BMP7: variants seen among roughly 807,000 people sequenced by gnomAD.
The protein encoded by BMP7 is bone morphogenetic protein 7.
A neutral mutation model predicts 41.2 loss-of-function variants in BMP7; 12 were observed. The ratio of observed to expected loss-of-function variants is 0.29; its 90% CI spans 0.19 to 0.47. The LOEUF is 0.47. Ranked by LOEUF, BMP7 falls within the 20% of genes least tolerant of loss-of-function variation. The pLI is 0.99. For missense variants in BMP7, 467 were observed against 606.0 expected (o/e 0.77, Z 2.41); for synonymous variants, 248 against 250.0 (o/e 0.99, Z 0.07).
rs996939412 is a variant in BMP7, at chr20:57,259,162, A to G, written c.418+6543T>C. ...GTTCCAATCTCCCTTGCCAAGTCAC[A>G]CCCACTGCTGTCACCGAGAACTTCC... is the stretch of plus-strand genomic sequence containing the variant. On this transcript the variant is annotated intron_variant, in intron 1 of 6. Transcript: ENST00000395863. This position sits in a 1 kb window ranked among gnomAD's most constrained non-coding sequence, Gnocchi z 4.7. Among the ~76,000 whole-genome samples, 3 of 152,040 alleles carry G rather than the reference A, an allele frequency of 2.0e-5. No homozygotes were observed. Among genetic ancestry groups the G allele is most frequent in the Non-Finnish European group, 4.4e-5 (3 of 67,998 alleles).
At chr20:57,204,326 T>G (rs1250365068) in intron 2 of BMP7, among the ~76,000 whole-genome samples, 1 of 152,228 alleles carries the variant, frequency 6.6e-6, no homozygotes, top group Non-Finnish European at 1.5e-5. Context: ...CTGTCTGACC[T>G]GGACAACTCT....
At chr20:57,239,312 G>A (rs910325269) in intron 1 of BMP7, among the ~76,000 whole-genome samples, 35 of 152,284 alleles carry the variant, frequency 2.3e-4, no homozygotes, top group African/African-American at 8.4e-4. Flanking sequence ...AAACTTTAAA[G>A]CTCCAAAATG....
At chr20:57,265,453 A>C (rs1028436299) in intron 1 of BMP7, among the ~76,000 whole-genome samples, 9 of 152,234 alleles carry the variant, frequency 5.9e-5, no homozygotes, top group Non-Finnish European at 1.3e-4. Flanking sequence ...CCGGCGGCGT[A>C]ACATGGAGGG....
At chr20:57,199,365 GTCT>G (rs1309813606) in intron 3 of BMP7, among the ~76,000 whole-genome samples, 1 of 152,224 alleles carries the variant, frequency 6.6e-6, no homozygotes, top group Non-Finnish European at 1.5e-5. Context: ...AGTTACCCAA[GTCT>G]TCTTTTAGAA....
intron 3 of BMP7, 77 bp downstream of exon 3, chr20:57,202,398 G>A: frequency 6.4e-7 from 1 of 1,553,612 alleles, no homozygotes; most frequent in East Asian, 2.3e-5. Flanking sequence ...AGTGAAGCAA[G>A]CATGAGCACT....
At chr20:57,236,591 C>T (rs949556282) in intron 1 of BMP7, among the ~76,000 whole-genome samples, 2 of 152,098 alleles carry the variant, frequency 1.3e-5, no homozygotes, top group African/African-American at 4.8e-5. Context: ...ACCAGAAGGA[C>T]TTGGTCCAAA....
chr20:57,237,743 T>A (rs2066053236), intron 1 of BMP7, among the ~76,000 whole-genome samples: 1 of 152,178 alleles, frequency 6.6e-6, no homozygotes, highest in Non-Finnish European at 1.5e-5. Context: ...CGCCTAGAAG[T>A]TGACAATGAT....
chr20:57,226,205 G>T (rs2066005517), intron 2 of BMP7, among the ~76,000 whole-genome samples: 1 of 152,218 alleles, frequency 6.6e-6, no homozygotes, highest in Non-Finnish European at 1.5e-5. Flanking sequence ...ATGGGACCAG[G>T]TGCCCACAAA....
intron 2 of BMP7, among the ~76,000 whole-genome samples, chr20:57,222,692 A>G (rs566865687): frequency 6.6e-6 from 1 of 152,162 alleles, no homozygotes; most frequent in African/African-American, 2.4e-5. Context: ...TGAAAAGGCT[A>G]CTCAGGAAGC....
intron 4 of BMP7, among the ~76,000 whole-genome samples, chr20:57,179,079 G>A (rs1356828672): frequency 6.6e-6 from 1 of 152,228 alleles, no homozygotes; most frequent in Non-Finnish European, 1.5e-5. Context: ...TGGTGTACGA[G>A]TGAGGCGTGG....
chr20:57,240,274 G>A (rs2066063726), intron 1 of BMP7, among the ~76,000 whole-genome samples: 2 of 152,182 alleles, frequency 1.3e-5, no homozygotes, highest in South Asian at 4.1e-4. Flanking sequence ...CTCTAGGGTG[G>A]GGAAAAAATG....
chr20:57,182,554 T>C (rs893318312), intron 4 of BMP7, among the ~76,000 whole-genome samples: 1 of 152,228 alleles, frequency 6.6e-6, no homozygotes, highest in Non-Finnish European at 1.5e-5. Context: ...GCCCCGGCAA[T>C]GCCCAACAGG....
At chr20:57,195,954 C>T (rs903737396) in intron 3 of BMP7, among the ~76,000 whole-genome samples, 3 of 152,142 alleles carry the variant, frequency 2.0e-5, no homozygotes, top group Non-Finnish European at 4.4e-5. Flanking sequence ...GTATGGACAG[C>T]CAGCGCTTAC....
At chr20:57,203,884 C>T (rs1402628238) in intron 2 of BMP7, among the ~76,000 whole-genome samples, 2 of 152,216 alleles carry the variant, frequency 1.3e-5, no homozygotes, top group Non-Finnish European at 2.9e-5. Context: ...AGATGTCAGG[C>T]ATATCCTTTA....
intron 1 of BMP7, among the ~76,000 whole-genome samples, chr20:57,258,797 AT>A (rs1568732367): frequency 6.6e-6 from 1 of 152,238 alleles, no homozygotes; most frequent in Non-Finnish European, 1.5e-5. Context: ...GACATTTAAA[AT>A]AACATGGGCA....
rs1420701343 is a variant in BMP7, at chr20:57,209,239, TTATATATTTTTATATATATATATATA to T, written c.612-6642_612-6617del. 1.3e-4 allele frequency among the ~76,000 whole-genome samples: 8 copies of T among 63,500 alleles called. 1 individual carries two copies. The highest frequency in any genetic ancestry group is 8.3e-4 in the East Asian group (2 of 2,400). 41.7% of individuals were successfully genotyped at this position (63,500 alleles called of 152,430 possible). On this transcript the variant is annotated intron_variant, in intron 2 of 6. Coordinates refer to ENST00000395863, the MANE Select transcript of BMP7 (RefSeq NM_001719.3). ...TAAATGAATAAACAAATACCTAGAT[TTATATATTTTTATATATATATATATA>T]TATATATATATATATATATATGTAT... is the stretch of plus-strand genomic sequence containing the variant.
intron 3 of BMP7, among the ~76,000 whole-genome samples, chr20:57,197,555 T>C (rs908186997): frequency 1.3e-5 from 2 of 152,164 alleles, no homozygotes; most frequent in African/African-American, 4.8e-5. Context: ...GATCTACACC[T>C]GGGAGTCATG....
At chr20:57,247,803 A>C (rs989977796) in intron 1 of BMP7, among the ~76,000 whole-genome samples, 2 of 152,138 alleles carry the variant, frequency 1.3e-5, no homozygotes, top group Non-Finnish European at 2.9e-5. Flanking sequence ...CGCCTGTCCC[A>C]CAAGCAGAAC....
At chr20:57,263,865 A>G (rs1181481639) in intron 1 of BMP7, among the ~76,000 whole-genome samples, 10 of 151,010 alleles carry the variant, frequency 6.6e-5, no homozygotes, top group Admixed American at 6.6e-4. Context: ...CCCACCTCCC[A>G]CTCCGTAAGC....
Sources: allele counts gnomAD v4.1 joint callset (sites outside exome capture counted in the v4.1 genomes callset), GRCh38; gene constraint gnomAD v4.1.1; non-coding constraint Gnocchi (gnomAD v3.1); transcripts MANE v1.5; gene names NCBI Gene and HGNC (gene_info 2026-07-23, HGNC 2026-07-21).